The following TRAK2 variants were observed in gnomAD, a reference collection of about 807,000 sequenced individuals.
TRAK2 encodes the protein trafficking kinesin protein 2.
Under a neutral mutation model 104.6 loss-of-function variants are expected in TRAK2, and 81 were observed. The ratio of observed to expected loss-of-function variants is 0.77; its 90% CI spans 0.65 to 0.93. The LOEUF (loss-of-function observed/expected upper bound fraction) is 0.93. TRAK2 is among the 40% of genes least tolerant of loss of function. The pLI, the probability that TRAK2 is intolerant of heterozygous loss-of-function variation, is 0.00. For synonymous variants in TRAK2, 406 were observed against 394.4 expected (o/e 1.03, Z -0.35); for missense variants, 1,002 against 1,089.0 (o/e 0.92, Z 1.12).
intron 2 of TRAK2, chr2:201,411,699 A>AT: frequency 1.3e-6 from 1 of 779,710 alleles, no homozygotes; most frequent in South Asian, 1.3e-5. Flanking sequence ...ACCCATGAGG[A>AT]CTGCAGACTC....
At chr2:201,388,139 T>C in intron 12 of TRAK2, 138 bp from the exon 13 acceptor site, 1 of 905,634 alleles carries the variant, frequency 1.1e-6, no homozygotes, top group Non-Finnish European at 1.8e-6. Flanking sequence ...AATATAGAAG[T>C]AATAACAACA....
chr2:201,404,003 A>G (rs1045934195), intron 3 of TRAK2, among the ~76,000 whole-genome samples: 1 of 152,200 alleles, frequency 6.6e-6, no homozygotes, highest in Non-Finnish European at 1.5e-5. Context: ...ATGGAAAAGA[A>G]CAATGGATTT....
intron 3 of TRAK2, among the ~76,000 whole-genome samples, chr2:201,401,757 T>C (rs1440336002): frequency 6.6e-6 from 1 of 152,102 alleles, no homozygotes; most frequent in African/African-American, 2.4e-5. Flanking sequence ...ACTTCACAAG[T>C]TCAGGAATTG....
rs3083385 is a variant in TRAK2 at position 201,449,480 on chromosome 2, CTTT to C, written c.-200+1867_-200+1869del. On this transcript the variant is annotated intron_variant, in intron 1 of 15. Transcript: ENST00000332624. ...GATTGCAAATACTAAAATGTTGGTT[CTTT>C]TTTTTTTTTTTTTTTTTTGAGACTG... 8.6e-3 allele frequency among the ~76,000 whole-genome samples: 846 copies of C among 98,052 alleles called. 4 individuals carry two copies. Among genetic ancestry groups the C allele is most frequent in the Non-Finnish European group, 0.013 (617 of 49,198 alleles). The allele number at this position is 98,052 out of a possible 152,430, so 64.3% of individuals were successfully genotyped here. A position where few individuals can be genotyped will look rare whatever the true frequency, so the allele number is the denominator to read the frequency against.
In TRAK2 at chr2:201,420,472, T is replaced by C; in HGVS notation, c.36A>G (p.Pro12=). ...SQSQNAIFTS[P]TGEENLMNSN... is the part of the protein sequence containing the mutation. ...TATTCATGAGGTTTTCTTCACCTGT[T>C]GGTGATGTAAAAATTGCATTCTGGG... The change falls in exon 2 of 16, where the codon CCA becomes CCG. Residue 12 remains proline (P), a synonymous_variant. Transcript: ENST00000332624. The C allele has an allele frequency of 6.2e-7, 1 of 1,614,138 alleles. No homozygotes were observed. The highest frequency in any genetic ancestry group is 8.5e-7 in the Non-Finnish European group (1 of 1,179,972).
rs185985755 is a variant in TRAK2, at chr2:201,433,182, A to G, written c.-199-12476T>C. On this transcript the variant is annotated intron_variant, in intron 1 of 15. Coordinates refer to ENST00000332624, the MANE Select transcript of TRAK2 (RefSeq NM_015049.3). ...ATCATGGCTTCAGTGCTAAGAGCTG[A>G]AAAAAAGGCGGGAGGAGCATCACCA... Among the ~76,000 whole-genome samples, 509 of 152,088 alleles carry G rather than the reference A, an allele frequency of 3.3e-3. 4 individuals are homozygous for G. Among genetic ancestry groups the G allele is most frequent in the African/African-American group, 0.012 (490 of 41,386 alleles).
chr2:201,413,198 G>A, intron 2 of TRAK2: 1 of 1,508,988 alleles, frequency 6.6e-7, no homozygotes, highest in Non-Finnish European at 9.2e-7. Flanking sequence ...CACTGGCAAT[G>A]TGCTGACCAA....
chr2:201,384,464 G>T (rs1559436443), intron 14 of TRAK2, among the ~76,000 whole-genome samples: 7 of 151,266 alleles, frequency 4.6e-5, no homozygotes. Flanking sequence ...TGAGAAAACT[G>T]AAAAAATACA....
At chr2:201,408,832 T>C (rs1951619527) in intron 2 of TRAK2, among the ~76,000 whole-genome samples, 1 of 152,214 alleles carries the variant, frequency 6.6e-6, no homozygotes, top group Non-Finnish European at 1.5e-5. Context: ...TTCTTCAAAA[T>C]CTGGAAAAAT....
intron 2 of TRAK2, chr2:201,413,157 T>C (rs1951662692): frequency 6.8e-7 from 1 of 1,469,062 alleles, no homozygotes; most frequent in Admixed American, 1.9e-5. Flanking sequence ...TTTTGTGCCA[T>C]TAAAAATCTT....
intron 1 of TRAK2, among the ~76,000 whole-genome samples, chr2:201,444,842 T>C (rs1026052470): frequency 3.9e-5 from 6 of 151,932 alleles, no homozygotes; most frequent in East Asian, 3.9e-4. Flanking sequence ...CCATAAATAA[T>C]TGGTGTTGAA....
At chr2:201,390,643 A>G (rs1242276385) in intron 10 of TRAK2, among the ~76,000 whole-genome samples, 1 of 151,478 alleles carries the variant, frequency 6.6e-6, no homozygotes, top group Non-Finnish European at 1.5e-5. Context: ...AAAATCACTT[A>G]AAAAAAAGAA....
intron 1 of TRAK2, among the ~76,000 whole-genome samples, chr2:201,449,248 T>A (rs1194639819): frequency 3.3e-5 from 5 of 152,178 alleles, no homozygotes; most frequent in African/African-American, 1.2e-4. Context: ...CACTAGACAA[T>A]CCTCTTTAAC....
chr2:201,384,013 A>T (rs1156891151), intron 15 of TRAK2, 98 bp downstream of exon 15: 1 of 779,626 alleles, frequency 1.3e-6, no homozygotes, highest in Non-Finnish European at 2.2e-6. Context: ...ACATTAATTA[A>T]CATTCTGGAA....
At chr2:201,410,647 A>C in intron 2 of TRAK2, 2 of 1,299,082 alleles carry the variant, frequency 1.5e-6, no homozygotes, top group Non-Finnish European at 2.2e-6. Flanking sequence ...ATTACCCTGC[A>C]TACCAAAGGC....
At chr2:201,382,767 T>C (rs567717677) in intron 15 of TRAK2, among the ~76,000 whole-genome samples, 1 of 152,344 alleles carries the variant, frequency 6.6e-6, no homozygotes, top group East Asian at 1.9e-4. Flanking sequence ...TTTATAGACA[T>C]GGTGGATCAT....
chr2:201,384,742 G>T (rs1162411135), intron 14 of TRAK2, among the ~76,000 whole-genome samples: 1 of 152,114 alleles, frequency 6.6e-6, no homozygotes, highest in Non-Finnish European at 1.5e-5. Flanking sequence ...TATGCACTTG[G>T]TATTTTTTAA....
rs542376929 is a variant in TRAK2 at position 201,394,183 on chromosome 2, T to C, written c.975+615A>G. On this transcript the variant is annotated intron_variant, in intron 9 of 15. Coordinates refer to ENST00000332624, the MANE Select transcript of TRAK2 (RefSeq NM_015049.3). ...CACAAAGATTTACTACTAGAACTTATCTTATTTTAAAAACTGTTGAGCTAG... is the reference window on the plus strand; with the variant it reads ...CACAAAGATTTACTACTAGAACTTACCTTATTTTAAAAACTGTTGAGCTAG... 1.4e-4 allele frequency among the ~76,000 whole-genome samples: 21 copies of C among 152,320 alleles called. No individual in the cohort carries two copies. In the South Asian group the frequency reaches 3.9e-3, roughly 29 times the overall value.
At chr2:201,434,748 G>T (rs1319734509) in intron 1 of TRAK2, among the ~76,000 whole-genome samples, 1 of 152,136 alleles carries the variant, frequency 6.6e-6, no homozygotes, top group African/African-American at 2.4e-5. Flanking sequence ...TCTTTTGCTT[G>T]ATGTCCCAGA....
Sources: allele counts gnomAD v4.1 joint callset (sites outside exome capture counted in the v4.1 genomes callset), GRCh38; gene constraint gnomAD v4.1.1; transcripts MANE v1.5; gene names NCBI Gene and HGNC (gene_info 2026-07-23, HGNC 2026-07-21).